The following GOLGA8B variants were observed in gnomAD, a reference collection of about 807,000 sequenced individuals.
GOLGA8B encodes the protein golgin A8 family member B.
GOLGA8B carries 1 observed loss-of-function variant against 15.6 expected under a neutral mutation model. The observed-to-expected ratio is 0.06, with a 90% CI of 0.02 to 0.30. The LOEUF is 0.30. GOLGA8B is among the 10% of genes least tolerant of loss of function. The pLI, the probability that GOLGA8B is intolerant of heterozygous loss-of-function variation, is 1.00. For missense variants in GOLGA8B, 17 were observed against 201.3 expected (o/e 0.08, Z 5.54); for synonymous variants, 9 against 80.3 (o/e 0.11, Z 4.75).
intron 1 of GOLGA8B, among the ~76,000 whole-genome samples, chr15:34,569,833 G>C (rs1257147419): frequency 6.6e-6 from 1 of 150,620 alleles, no homozygotes; most frequent in Non-Finnish European, 1.5e-5. Flanking sequence ...GACACTCCAA[G>C]GTCAAGGCTA....
At chr15:34,579,550 G>C (rs1298350430) in intron 1 of GOLGA8B, among the ~76,000 whole-genome samples, 3 of 152,180 alleles carry the variant, frequency 2.0e-5, no homozygotes, top group African/African-American at 7.2e-5. Context: ...CAATAAGAAA[G>C]CTCATTCTTT....
intron 1 of GOLGA8B, among the ~76,000 whole-genome samples, chr15:34,582,365 T>C (rs1889261876): frequency 1.3e-5 from 2 of 152,178 alleles, no homozygotes; most frequent in African/African-American, 4.8e-5. Context: ...AAAACCACTG[T>C]CCTTTCTCAA....
At chr15:34,575,230 C>T (rs954677869) in intron 1 of GOLGA8B, among the ~76,000 whole-genome samples, 15 of 152,182 alleles carry the variant, frequency 9.9e-5, no homozygotes, top group Middle Eastern at 3.4e-3. Flanking sequence ...ATGACGCTGG[C>T]GGTGCCTCGG....
At chr15:34,543,304 G>A (rs1448234955) in intron 7 of GOLGA8B, among the ~76,000 whole-genome samples, 1 of 144,514 alleles carries the variant, frequency 6.9e-6, no homozygotes, top group African/African-American at 2.6e-5. Context: ...CTCCTGATTA[G>A]CTGGGAGTAT....
chr15:34,567,567 T>C (rs1321270061), intron 1 of GOLGA8B, among the ~76,000 whole-genome samples: 1 of 151,644 alleles, frequency 6.6e-6, no homozygotes, highest in African/African-American at 2.4e-5. Flanking sequence ...TCACTCGAAA[T>C]AAAACCCATC....
At chr15:34,577,504 TCATACACACACACA>T (rs1429445111) in intron 1 of GOLGA8B, among the ~76,000 whole-genome samples, 18 of 100,624 alleles carry the variant, frequency 1.8e-4, no homozygotes, top group Non-Finnish European at 3.4e-4. Context: ...AAATTATATA[TCATACACACACACA>T]CACACACACA....
At chr15:34,573,261 G>A (rs535826916) in intron 1 of GOLGA8B, among the ~76,000 whole-genome samples, 153 of 152,228 alleles carry the variant, frequency 1.0e-3, no homozygotes, top group Non-Finnish European at 1.9e-3. Flanking sequence ...AAGTTAGGCC[G>A]GGCATGGTGG....
chr15:34,543,475 C>T (rs1321757902), intron 7 of GOLGA8B, among the ~76,000 whole-genome samples: 3 of 117,316 alleles, frequency 2.6e-5, no homozygotes, highest in African/African-American at 3.6e-5. Context: ...TCAAAAAGTG[C>T]TGAGATTACA....
intron 1 of GOLGA8B, among the ~76,000 whole-genome samples, chr15:34,577,350 C>G (rs866628987): frequency 6.6e-6 from 1 of 152,002 alleles, no homozygotes; most frequent in African/African-American, 2.4e-5. Flanking sequence ...TCCAAGACAG[C>G]TGATAATCAA....
At chr15:34,579,299 C>A (rs1296632647) in intron 1 of GOLGA8B, among the ~76,000 whole-genome samples, 3 of 151,944 alleles carry the variant, frequency 2.0e-5, no homozygotes, top group Non-Finnish European at 4.4e-5. Context: ...CAGGAGGAGG[C>A]TTCTGGAAGG....
chr15:34,575,074 G>A (rs1889030355), intron 1 of GOLGA8B, among the ~76,000 whole-genome samples: 1 of 147,750 alleles, frequency 6.8e-6, no homozygotes, highest in East Asian at 2.0e-4. Context: ...GAGAACAGGG[G>A]CAATTTAATC....
chr15:34,574,030 C>T (rs1409678912), intron 1 of GOLGA8B, among the ~76,000 whole-genome samples: 2 of 151,960 alleles, frequency 1.3e-5, no homozygotes, highest in African/African-American at 2.4e-5. Flanking sequence ...ATCAGGTCAC[C>T]GGCCCAGCCC....
chr15:34,572,733 C>T (rs1181537530), intron 1 of GOLGA8B, among the ~76,000 whole-genome samples: 1 of 152,114 alleles, frequency 6.6e-6, no homozygotes, highest in Non-Finnish European at 1.5e-5. Context: ...TGATGCATTT[C>T]TGTAAAGTTC....
intron 1 of GOLGA8B, among the ~76,000 whole-genome samples, chr15:34,580,184 A>G (rs201735354): frequency 2.7e-4 from 41 of 150,432 alleles, no homozygotes; most frequent in South Asian, 1.1e-3. Flanking sequence ...CGGGATGGAC[A>G]TGGGCCAAGA....
chr15:34,570,063 GC>G (rs1744131151), intron 1 of GOLGA8B, among the ~76,000 whole-genome samples: 2 of 152,288 alleles, frequency 1.3e-5, no homozygotes, highest in African/African-American at 4.8e-5. Flanking sequence ...GAGAACCAGA[GC>G]TGTACCCTAC....
chr15:34,567,457 G>T lies in GOLGA8B; in HGVS notation c.-1122-13501C>A, dbSNP rs1273037119. ...CCCAGGCCACCACGGGGGCAGAGAC[G>T]TGAAGCAGGCTGCAGCTACTAATTT... On this transcript the variant is annotated intron_variant, in intron 1 of 23. Coordinates refer to ENST00000683415, the MANE Select transcript of GOLGA8B (RefSeq NM_001023567.5). 4.6e-5 allele frequency among the ~76,000 whole-genome samples: 7 copies of T among 151,820 alleles called. 1 individual carries two copies. The highest frequency in any genetic ancestry group is 1.7e-4 in the African/African-American group (7 of 41,054).
At chr15:34,575,310 G>A (rs1889042688) in intron 1 of GOLGA8B, among the ~76,000 whole-genome samples, 1 of 145,220 alleles carries the variant, frequency 6.9e-6, no homozygotes, top group Middle Eastern at 3.5e-3. Flanking sequence ...CACATCTTCT[G>A]CTCATACCTC....
intron 1 of GOLGA8B, chr15:34,574,870 T>TGTTCC (rs1291075233): frequency 6.6e-6 from 1 of 152,038 alleles, no homozygotes; most frequent in Non-Finnish European, 1.5e-5. Context: ...AGGTAAGAAA[T>TGTTCC]GTTTCTTGCC....
At position 34,556,901 on chromosome 15, in the gene GOLGA8B, C is replaced by T. The variant is rs550616181; in HGVS notation, c.-1122-2945G>A. The T allele has an allele frequency of 1.0e-4, 93 of 912,896 alleles. 3 individuals are homozygous for T. Among genetic ancestry groups the T allele is most frequent in the Admixed American group, 1.4e-4 (6 of 42,260 alleles). The allele number at this position is 912,896 out of a possible 1,614,324, so 56.5% of individuals were successfully genotyped here. A position where few individuals can be genotyped will look rare whatever the true frequency, so the allele number is the denominator to read the frequency against. ...GGTACAGGCCTCGCAGATGCTGAAG[C>T]GAGGAGGTGGGCAGTACTGGGTGCC... On this transcript the variant is annotated intron_variant, in intron 1 of 23. Transcript: ENST00000683415.
Sources: gnomAD v4.1 joint callset for allele counts (sites outside exome capture counted in the v4.1 genomes callset) on GRCh38, gnomAD v4.1.1 for gene constraint, MANE v1.5 for transcripts, NCBI Gene and HGNC (gene_info 2026-07-23, HGNC 2026-07-21) for gene names.